Variants in SLC35D1 observed in about 807,000 individuals in gnomAD.
SLC35D1 encodes solute carrier family 35 member D1, also known as nucleotide sugar transporter SLC35D1.
A neutral mutation model predicts 46.7 loss-of-function variants in SLC35D1; 31 were observed. The observed-to-expected ratio is 0.66, with a 90% CI of 0.50 to 0.90. The LOEUF (loss-of-function observed/expected upper bound fraction) is 0.90. Ranked by LOEUF, SLC35D1 falls within the 40% of genes least tolerant of loss-of-function variation. The probability of loss-of-function intolerance (pLI) is 0.00; values close to 1 mark genes in which losing one functional copy is unlikely to be tolerated. For missense variants in SLC35D1, 397 were observed against 426.2 expected (o/e 0.93, Z 0.60); for synonymous variants, 195 against 164.6 (o/e 1.18, Z -1.41).
At chr1:66,984,489 C>T in the SLC35D1 span, 1 of 996,606 alleles carries the variant, frequency 1.0e-6, no homozygotes, top group East Asian at 2.4e-5. Context: ...TCCTTGATAA[C>T]AATAACTACA....
chr1:67,016,831 A>G (rs1054695892), intron 10 of SLC35D1, among the ~76,000 whole-genome samples: 5 of 152,198 alleles, frequency 3.3e-5, no homozygotes, highest in African/African-American at 1.2e-4. Flanking sequence ...CTAAAATAAC[A>G]TATTTGCAGA....
At chr1:67,047,503 T>C in intron 6 of SLC35D1, 136 bp from the exon 7 acceptor site, 2 of 774,540 alleles carry the variant, frequency 2.6e-6, no homozygotes, top group South Asian at 3.1e-5. Context: ...CAGCTACTAG[T>C]ATTTCTTGAT....
Position 67,054,147 on chromosome 1 carries a change from T to C in SLC35D1, c.-134A>G. 1.2e-6 allele frequency: 1 copy of C among 831,798 alleles called. No individual in the cohort carries two copies. The highest frequency in any genetic ancestry group is 1.8e-6 in the Non-Finnish European group (1 of 551,776). The allele number at this position is 831,798 out of a possible 1,614,324, so 51.5% of individuals were successfully genotyped here. ...CGCGCTCGCCGCCTCGACTCCCCGC[T>C]TGGCCGCCGCCTGTCCCCGCCCAGG... On this transcript the variant is annotated 5_prime_UTR_variant, in exon 1 of 12. Transcript: ENST00000235345.
intron 8 of SLC35D1, among the ~76,000 whole-genome samples, chr1:67,033,482 A>G (rs1668059051): frequency 6.6e-6 from 1 of 152,160 alleles, no homozygotes; most frequent in Non-Finnish European, 1.5e-5. Context: ...ATGATCAACA[A>G]TGTTTAGCAC....
At chr1:67,009,577 G>GA (rs1558150250) in intron 10 of SLC35D1, among the ~76,000 whole-genome samples, 3 of 151,946 alleles carry the variant, frequency 2.0e-5, no homozygotes, top group Non-Finnish European at 4.4e-5. Context: ...ACAAATATAG[G>GA]AAAAAAGGCT....
At chr1:67,029,039 G>A (rs183517358) in intron 8 of SLC35D1, among the ~76,000 whole-genome samples, 47 of 152,220 alleles carry the variant, frequency 3.1e-4, no homozygotes, top group Non-Finnish European at 4.6e-4. Flanking sequence ...AACCCTGTCC[G>A]TGTTATTCCA....
intron 6 of SLC35D1, among the ~76,000 whole-genome samples, chr1:67,047,925 G>C (rs1440517752): frequency 6.6e-6 from 1 of 152,132 alleles, no homozygotes; most frequent in Non-Finnish European, 1.5e-5. Context: ...AACCTGTGAA[G>C]TATAACTTGG....
chr1:66,999,911 T>C lies in SLC35D1; in HGVS notation c.*4429A>G, dbSNP rs1267684000. The C allele has an allele frequency of 6.6e-6, 1 of 152,082 alleles. No individual in the cohort carries two copies. The highest frequency in any genetic ancestry group is 1.5e-5 in the Non-Finnish European group (1 of 68,014). 9.4% of individuals were successfully genotyped at this position (152,082 alleles called of 1,614,324 possible). ...GGCCTTTCCAGGAGCCATCTAAAGGTAAAAACTGAGAAAGATTTAACTGAA... is the reference window on the plus strand; with the variant it reads ...GGCCTTTCCAGGAGCCATCTAAAGGCAAAAACTGAGAAAGATTTAACTGAA... On this transcript the variant is annotated 3_prime_UTR_variant, in exon 12 of 12. Coordinates refer to ENST00000235345, the MANE Select transcript of SLC35D1 (RefSeq NM_015139.3).
chr1:66,998,197 G>A (rs1352274678), downstream of SLC35D1, among the ~76,000 whole-genome samples: 5 of 152,132 alleles, frequency 3.3e-5, no homozygotes, highest in African/African-American at 1.2e-4. Flanking sequence ...AGAAAAGTAA[G>A]TGGGATCTTG....
intron 7 of SLC35D1, among the ~76,000 whole-genome samples, chr1:67,045,892 G>C (rs1433373032): frequency 1.3e-5 from 2 of 152,106 alleles, no homozygotes; most frequent in African/African-American, 4.8e-5. Flanking sequence ...GAAGCTGCTG[G>C]ACAAATAAAA....
chr1:67,042,964 G>A (rs1645211047), intron 7 of SLC35D1, among the ~76,000 whole-genome samples: 1 of 152,186 alleles, frequency 6.6e-6, no homozygotes, highest in Non-Finnish European at 1.5e-5. Flanking sequence ...TTGGGAGGCT[G>A]AGGCAGGCAG....
chr1:67,053,834 A>G lies in SLC35D1; in HGVS notation c.180T>C (p.Asn60=), dbSNP rs1301380436. Residue 60 remains asparagine (N), a synonymous_variant, in exon 1 of 12, where the codon AAT becomes AAC. Transcript: ENST00000235345. ...ACCTGTAATTGGTGAGCACGCTCTT[A>G]TTCACCACCACGATCAGGAAGGAGC... ...GVSSFLIVVV[N]KSVLTNYRFP... 2 of 1,612,318 alleles carry G rather than the reference A, an allele frequency of 1.2e-6. No homozygotes were observed. Among genetic ancestry groups the G allele is most frequent in the African/African-American group, 1.3e-5 (1 of 74,700 alleles).
intron 8 of SLC35D1, among the ~76,000 whole-genome samples, chr1:67,023,031 AT>A (rs1275908380): frequency 2.0e-5 from 3 of 152,198 alleles, no homozygotes; most frequent in African/African-American, 7.2e-5. Flanking sequence ...TTTATTGCCA[AT>A]TAGTATTCTA....
Position 67,035,154 on chromosome 1 carries a change from G to A in SLC35D1, c.729+7082C>T, listed in dbSNP as rs527332012. Among the ~76,000 whole-genome samples, 7 of 152,144 alleles carry A rather than the reference G, an allele frequency of 4.6e-5. No individual in the cohort carries two copies. The South Asian group carries it at 1.2e-3, about 27-fold the overall frequency. On this transcript the variant is annotated intron_variant, in intron 8 of 11. Coordinates refer to ENST00000235345, the MANE Select transcript of SLC35D1 (RefSeq NM_015139.3). ...GTGTTGTGTGTGTGTGTGCGCGCGT[G>A]TGTGTGTGTTTAATGCATCTTTGTC...
the SLC35D1 span, among the ~76,000 whole-genome samples, chr1:66,991,746 C>T: frequency 6.6e-6 from 1 of 151,718 alleles, no homozygotes; most frequent in Non-Finnish European, 1.5e-5. Context: ...CAAGGGATAG[C>T]CTAAAATATT....
the SLC35D1 span, among the ~76,000 whole-genome samples, chr1:66,977,113 CT>C: frequency 2.2e-3 from 321 of 143,762 alleles, no homozygotes; most frequent in African/African-American, 2.9e-3. Flanking sequence ...TTTTAATCTT[CT>C]TTTTTTTTTT....
At chr1:67,021,493 T>G in intron 9 of SLC35D1, 42 bp downstream of exon 9, 1 of 1,603,458 alleles carries the variant, frequency 6.2e-7, no homozygotes, top group Non-Finnish European at 8.5e-7. Flanking sequence ...CTAACCTATT[T>G]CTTTAGGAAA....
intron 6 of SLC35D1, among the ~76,000 whole-genome samples, chr1:67,048,127 T>C (rs1016225663): frequency 1.3e-5 from 2 of 152,260 alleles, no homozygotes; most frequent in African/African-American, 4.8e-5. Context: ...ACTTATCTAA[T>C]GAGTTCTATG....
the SLC35D1 span, among the ~76,000 whole-genome samples, chr1:66,979,421 C>T: frequency 6.6e-6 from 1 of 152,150 alleles, no homozygotes; most frequent in South Asian, 2.1e-4. Context: ...CACATTTTCC[C>T]CTTTTCTGCC....
Sources: allele counts gnomAD v4.1 joint callset (sites outside exome capture counted in the v4.1 genomes callset), GRCh38; gene constraint gnomAD v4.1.1; transcripts MANE v1.5; gene names NCBI Gene and HGNC (gene_info 2026-07-23, HGNC 2026-07-21).